The following RFX3 variants were observed in gnomAD, a reference collection of about 807,000 sequenced individuals.
The protein encoded by RFX3 is transcription factor RFX3.
A neutral mutation model predicts 98.6 loss-of-function variants in RFX3; 14 were observed. That is an observed-to-expected ratio of 0.14 (90% CI 0.09 to 0.22). RFX3 has a LOEUF of 0.22. RFX3 is among the 10% of genes least tolerant of loss of function. The pLI is 1.00. For synonymous variants in RFX3, 383 were observed against 328.4 expected (o/e 1.17, Z -1.80); for missense variants, 639 against 926.9 (o/e 0.69, Z 4.03).
At chr9:3,478,498 A>G (rs537846538) in intron 1 of RFX3, among the ~76,000 whole-genome samples, 1 of 151,804 alleles carries the variant, frequency 6.6e-6, no homozygotes, top group Admixed American at 6.6e-5. Context: ...TGTAGTAGTC[A>G]ACCAATGATC....
intron 1 of RFX3, among the ~76,000 whole-genome samples, chr9:3,514,441 T>C (rs976138693): frequency 3.4e-5 from 5 of 145,184 alleles, no homozygotes; most frequent in Non-Finnish European, 5.9e-5. Context: ...AACCAAGTTG[T>C]GTTTTGTTTT....
chr9:3,237,032 C>T (rs1385851585), intron 15 of RFX3, among the ~76,000 whole-genome samples: 1 of 152,144 alleles, frequency 6.6e-6, no homozygotes, highest in African/African-American at 2.4e-5. Context: ...TGGGAAGCAA[C>T]CTTTTAACTT....
At chr9:3,409,189 G>A (rs1277388375) in intron 1 of RFX3, among the ~76,000 whole-genome samples, 2 of 152,170 alleles carry the variant, frequency 1.3e-5, no homozygotes, top group African/African-American at 4.8e-5. Context: ...TTAAATCAAA[G>A]TGTTATAAAT....
At chr9:3,422,301 C>T (rs1477908877) in intron 1 of RFX3, among the ~76,000 whole-genome samples, 2 of 152,160 alleles carry the variant, frequency 1.3e-5, no homozygotes, top group African/African-American at 4.8e-5. Flanking sequence ...CCCAAACTGA[C>T]CCTGAAACAA....
chr9:3,395,260 G>A (rs968831058), intron 2 of RFX3, among the ~76,000 whole-genome samples: 3 of 152,200 alleles, frequency 2.0e-5, no homozygotes, highest in Admixed American at 6.5e-5. Flanking sequence ...ATTATAACTT[G>A]AGTATTCATT....
intron 3 of RFX3, among the ~76,000 whole-genome samples, chr9:3,334,206 G>T (rs533547866): frequency 5.3e-5 from 8 of 152,158 alleles, no homozygotes; most frequent in Non-Finnish European, 1.0e-4. Context: ...TGCTATTTGA[G>T]ATTTCCTTAC....
chr9:3,368,994 A>C (rs1837515445), intron 2 of RFX3, among the ~76,000 whole-genome samples: 2 of 152,220 alleles, frequency 1.3e-5, no homozygotes, highest in African/African-American at 4.8e-5. Flanking sequence ...GTACAGAGGG[A>C]ATCCTTAATA....
chr9:3,354,788 T>A (rs1386576540), intron 2 of RFX3, among the ~76,000 whole-genome samples: 1 of 151,832 alleles, frequency 6.6e-6, no homozygotes, highest in East Asian at 1.9e-4. Context: ...AAATAATAAA[T>A]TTTTAGGTAA....
intron 2 of RFX3, among the ~76,000 whole-genome samples, chr9:3,388,905 G>T (rs1587461818): frequency 6.6e-6 from 1 of 152,086 alleles, no homozygotes; most frequent in African/African-American, 2.4e-5. Flanking sequence ...CATTTTGAGA[G>T]AAAAAGATTT....
intron 3 of RFX3, among the ~76,000 whole-genome samples, chr9:3,342,679 A>C (rs7871277): frequency 0.22 from 32,994 of 151,978 alleles, 4,061 homozygotes; most frequent in African/African-American, 0.35. Flanking sequence ...TTAAAAAAAA[A>C]CTTCTTAGCT....
intron 2 of RFX3, among the ~76,000 whole-genome samples, chr9:3,366,682 CTTCTTTCTTTCCT>C (rs1587341370): frequency 2.9e-5 from 2 of 69,970 alleles, no homozygotes; most frequent in African/African-American, 1.1e-4. Flanking sequence ...CTCTTTCTTT[CTTCTTTCTTTCCT>C]TTCTTTCTTT....
At chr9:3,323,828 T>G (rs1831579048) in intron 4 of RFX3, 2 of 170,732 alleles carry the variant, frequency 1.2e-5, no homozygotes, top group Admixed American at 1.3e-4. Context: ...TTTATCAAGA[T>G]TTCTAGGAGT....
intron 2 of RFX3, among the ~76,000 whole-genome samples, chr9:3,376,921 G>A (rs969978198): frequency 5.3e-4 from 80 of 152,162 alleles, no homozygotes; most frequent in African/African-American, 1.6e-3. Flanking sequence ...TTAGAATGGC[G>A]ATCATTAAAA....
intron 2 of RFX3, among the ~76,000 whole-genome samples, chr9:3,356,973 GCACACA>G (rs200669491): frequency 4.7e-5 from 6 of 128,968 alleles, no homozygotes; most frequent in East Asian, 2.1e-4. Flanking sequence ...GCACACACAC[GCACACA>G]CACACACACA....
At chr9:3,520,426 T>C (rs1028173735) in intron 1 of RFX3, among the ~76,000 whole-genome samples, 2 of 152,194 alleles carry the variant, frequency 1.3e-5, no homozygotes, top group Admixed American at 6.5e-5. Flanking sequence ...ACTGTTTCAG[T>C]ATGTCTTTTA....
chr9:3,279,015 A>G (rs1825596404), intron 7 of RFX3, among the ~76,000 whole-genome samples: 1 of 151,832 alleles, frequency 6.6e-6, no homozygotes, highest in East Asian at 1.9e-4. Context: ...TCCAAATATA[A>G]CAGAAGAGTT....
chr9:3,483,387 A>G (rs906507923), intron 1 of RFX3, among the ~76,000 whole-genome samples: 4 of 152,180 alleles, frequency 2.6e-5, no homozygotes, highest in South Asian at 4.1e-4. Context: ...TTCTTGCTCA[A>G]TGTTGTATTT....
intron 2 of RFX3, among the ~76,000 whole-genome samples, chr9:3,380,476 C>G (rs1217582076): frequency 6.6e-6 from 1 of 152,140 alleles, no homozygotes; most frequent in Non-Finnish European, 1.5e-5. Flanking sequence ...GTTCATGGCT[C>G]ATAACAGATG....
At chr9:3,508,711 GT>G (rs537869910) in intron 1 of RFX3, among the ~76,000 whole-genome samples, 7 of 151,894 alleles carry the variant, frequency 4.6e-5, no homozygotes, top group South Asian at 2.1e-4. Context: ...ATGACAAGCG[GT>G]TTTCCCCCAC....
Sources: allele counts gnomAD v4.1 joint callset (sites outside exome capture counted in the v4.1 genomes callset), GRCh38; gene constraint gnomAD v4.1.1; transcripts MANE v1.5; gene names NCBI Gene and HGNC (gene_info 2026-07-23, HGNC 2026-07-21).